Variants in PLA2G4A observed in about 807,000 individuals in gnomAD.
The protein encoded by PLA2G4A is cytosolic phospholipase A2.
Under a neutral mutation model 81.9 loss-of-function variants are expected in PLA2G4A, and 40 were observed. That is an observed-to-expected ratio of 0.49 (90% confidence interval 0.38 to 0.64). The LOEUF is 0.64. PLA2G4A is among the 30% of genes least tolerant of loss of function. The pLI is 0.00. For synonymous variants in PLA2G4A, 302 were observed against 296.9 expected, an observed-to-expected ratio of 1.02 and a Z score of -0.18; for missense variants, 715 against 905.1, an observed-to-expected ratio of 0.79 and a Z score of 2.69.
At chr1:186,925,541 G>A (rs1453517130) in intron 7 of PLA2G4A, among the ~76,000 whole-genome samples, 1 of 151,996 alleles carries the variant, frequency 6.6e-6, no homozygotes, top group African/African-American at 2.4e-5. Flanking sequence ...TCCCCGGTTG[G>A]AGGTCTCCTG....
chr1:186,901,370 T>C (rs911566362), intron 5 of PLA2G4A, among the ~76,000 whole-genome samples: 23 of 152,318 alleles, frequency 1.5e-4, no homozygotes, highest in Admixed American at 1.5e-3. Context: ...CTTGCATTCT[T>C]GGGATTCCTC....
At chr1:186,957,805 A>G (rs1656807844) in intron 14 of PLA2G4A, among the ~76,000 whole-genome samples, 1 of 152,210 alleles carries the variant, frequency 6.6e-6, no homozygotes, top group African/African-American at 2.4e-5. Flanking sequence ...TTGGTGACCA[A>G]TCAATATACA....
chr1:186,961,511 A>G (rs969487603), intron 14 of PLA2G4A, among the ~76,000 whole-genome samples: 2 of 151,992 alleles, frequency 1.3e-5, no homozygotes, highest in Non-Finnish European at 1.5e-5. Flanking sequence ...TAAAATAACA[A>G]TAAAAGGAAC....
chr1:186,855,267 C>T (rs1434644011), intron 2 of PLA2G4A, among the ~76,000 whole-genome samples: 2 of 151,952 alleles, frequency 1.3e-5, no homozygotes, highest in Non-Finnish European at 2.9e-5. Flanking sequence ...CCCCCCACTC[C>T]TTCTACCCAA....
chr1:186,909,323 A>G (rs1223703638), intron 6 of PLA2G4A, among the ~76,000 whole-genome samples: 1 of 148,342 alleles, frequency 6.7e-6, no homozygotes, highest in Non-Finnish European at 1.5e-5. Context: ...ATGTCATTAT[A>G]AAGAATAGTA....
intron 1 of PLA2G4A, among the ~76,000 whole-genome samples, chr1:186,849,811 G>T (rs76587848): frequency 0.069 from 10,422 of 152,110 alleles, 464 homozygotes; most frequent in Non-Finnish European, 0.099. Context: ...CTCCAAGAGG[G>T]AAGGGAATGT....
chr1:186,911,200 A>G (rs780377442), intron 6 of PLA2G4A, 48 bp from the exon 7 acceptor site: 2 of 1,580,346 alleles, frequency 1.3e-6, no homozygotes, highest in East Asian at 2.2e-5. Context: ...ATGGAAAACC[A>G]GACCACTGGG....
intron 7 of PLA2G4A, among the ~76,000 whole-genome samples, chr1:186,922,727 A>G (rs1224863593): frequency 6.6e-6 from 1 of 152,154 alleles, no homozygotes; most frequent in African/African-American, 2.4e-5. Context: ...TTAAAGAAGG[A>G]AGGGGTTTAT....
intron 2 of PLA2G4A, among the ~76,000 whole-genome samples, chr1:186,864,143 A>G (rs1652925599): frequency 6.6e-6 from 1 of 152,124 alleles, no homozygotes; most frequent in Non-Finnish European, 1.5e-5. Flanking sequence ...CTTCTTTCTT[A>G]TGGTTGAATA....
intron 1 of PLA2G4A, among the ~76,000 whole-genome samples, chr1:186,849,472 T>A (rs1183060010): frequency 6.6e-6 from 1 of 152,006 alleles, no homozygotes; most frequent in Non-Finnish European, 1.5e-5. Flanking sequence ...ATGGGTCAGA[T>A]TTAGCTAGGT....
At chr1:186,934,463 T>C (rs58923369) in intron 8 of PLA2G4A, among the ~76,000 whole-genome samples, 35,635 of 143,450 alleles carry the variant, frequency 0.25, 7,145 homozygotes, top group African/African-American at 0.5. Flanking sequence ...TATATATATA[T>C]ACATACACAG....
intron 13 of PLA2G4A, among the ~76,000 whole-genome samples, chr1:186,950,978 A>G (rs1274296758): frequency 6.6e-6 from 1 of 152,210 alleles, no homozygotes; most frequent in African/African-American, 2.4e-5. Context: ...GAACAGATCC[A>G]AGATGGTAGA....
At chr1:186,939,925 C>CTT (rs1656088891) in intron 9 of PLA2G4A, 55 bp from the exon 10 acceptor site, 1 of 833,958 alleles carries the variant, frequency 1.2e-6, no homozygotes, top group African/African-American at 1.7e-5. Context: ...GAATAGCATT[C>CTT]TTTCTGTGTC....
intron 2 of PLA2G4A, among the ~76,000 whole-genome samples, chr1:186,858,774 T>C (rs534553430): frequency 1.9e-4 from 29 of 152,090 alleles, no homozygotes; most frequent in Non-Finnish European, 3.5e-4. Flanking sequence ...TTTTCGTTAG[T>C]TTCTCCAACA....
chr1:186,939,085 A>G lies in PLA2G4A; in HGVS notation c.773A>G (p.Asn258Ser). 6.2e-7 allele frequency: 1 copy of G among 1,611,360 alleles called. No homozygotes were observed. Among genetic ancestry groups the G allele is most frequent in the Non-Finnish European group, 8.5e-7 (1 of 1,177,612 alleles). The change falls in exon 9 of 18, where the codon AAT (asparagine) becomes AGT (serine). Residue 258 changes from asparagine to serine, a missense_variant. Physicochemically the swap from Asn to Ser is conservative, Grantham distance 46. Transcript: ENST00000367466. ...PEEINEELMK[N>S]VSHNPLLLLT... The stretch of plus-strand genomic sequence containing the variant: ...GAGATTAATGAAGAACTAATGAAAA[A>G]TGTTAGCCACAATCCCCTTTTACTT...
chr1:186,913,361 A>T (rs59707908), intron 7 of PLA2G4A, among the ~76,000 whole-genome samples: 3,377 of 151,972 alleles, frequency 0.022, 131 homozygotes, highest in African/African-American at 0.078. Context: ...ACTCAATCAT[A>T]TATCTTAAAA....
intron 4 of PLA2G4A, among the ~76,000 whole-genome samples, chr1:186,893,757 CTA>C (rs1558409193): frequency 6.6e-6 from 1 of 151,810 alleles, no homozygotes; most frequent in East Asian, 1.9e-4. Context: ...GACCCTGTCT[CTA>C]TTAAAAATAC....
chr1:186,844,865 C>T (rs1652117090), intron 1 of PLA2G4A, among the ~76,000 whole-genome samples: 1 of 152,118 alleles, frequency 6.6e-6, no homozygotes, highest in African/African-American at 2.4e-5. Context: ...ACTTGAATTT[C>T]TTAGAAATCT....
chr1:186,974,714 A>G (rs528183940), intron 15 of PLA2G4A, among the ~76,000 whole-genome samples: 32 of 152,296 alleles, frequency 2.1e-4, no homozygotes, highest in Admixed American at 1.3e-3. Flanking sequence ...TGGAGCAGCA[A>G]TTTTTTTGTT....
Sources: allele counts gnomAD v4.1 joint callset (sites outside exome capture counted in the v4.1 genomes callset), GRCh38; gene constraint gnomAD v4.1.1; transcripts MANE v1.5; gene names NCBI Gene and HGNC (gene_info 2026-07-23, HGNC 2026-07-21).